CERK: variants seen among roughly 807,000 people sequenced by gnomAD.
The protein encoded by CERK is ceramide kinase.
In CERK, 39 loss-of-function variants were observed where a neutral mutation model predicts 63.4. The observed-to-expected ratio is 0.61, with a 90% CI of 0.48 to 0.80. The LOEUF (loss-of-function observed/expected upper bound fraction) is 0.80. Among genes scored for constraint, CERK ranks in the 30% least tolerant of loss-of-function variants. The probability of loss-of-function intolerance (pLI) is 0.00; values close to 1 mark genes in which losing one functional copy is unlikely to be tolerated. For synonymous variants in CERK, 302 were observed against 280.0 expected, an observed-to-expected ratio of 1.08 and a Z score of -0.78; for missense variants, 670 against 714.1, an observed-to-expected ratio of 0.94 and a Z score of 0.70.
In CERK at chr22:46,711,886, G is replaced by A. The variant is rs916494613; in HGVS notation, c.505+282C>T. On this transcript the variant is annotated intron_variant, in intron 4 of 12. Coordinates refer to ENST00000216264, the MANE Select transcript of CERK (RefSeq NM_022766.6). ...CAACATTGCTTGAGCCCAGGGGTTCGAAACCAGCCTAAGCAATATGGTGAA... is the reference window on the plus strand; with the variant it reads ...CAACATTGCTTGAGCCCAGGGGTTCAAAACCAGCCTAAGCAATATGGTGAA... 1.1e-4 allele frequency among the ~76,000 whole-genome samples: 17 copies of A among 152,154 alleles called. 1 individual carries two copies. The highest frequency in any genetic ancestry group is 2.7e-4 in the African/African-American group (11 of 41,456).
chr22:46,737,304 A>C lies in CERK; in HGVS notation c.142+703T>G, dbSNP rs555549709. On this transcript the variant is annotated intron_variant, in intron 1 of 12. Coordinates refer to ENST00000216264, the MANE Select transcript of CERK (RefSeq NM_022766.6). ...AACACTCCGACTCAAAAAAAAAAAA[A>C]AACAAAAAACAAACAAAAAACAACA... 1.7e-3 allele frequency among the ~76,000 whole-genome samples: 246 copies of C among 141,612 alleles called. 1 individual carries two copies. Among genetic ancestry groups the C allele is most frequent in the African/African-American group, 6.1e-3 (223 of 36,498 alleles). 92.9% of individuals were successfully genotyped at this position (141,612 alleles called of 152,430 possible).
At chr22:46,696,956 A>T (rs1487819200) in intron 8 of CERK, among the ~76,000 whole-genome samples, 1 of 152,236 alleles carries the variant, frequency 6.6e-6, no homozygotes, top group Admixed American at 6.5e-5. Context: ...AACAAAGGGC[A>T]GTCGGGAGAA....
chr22:46,710,784 A>C (rs2082836760), intron 5 of CERK, among the ~76,000 whole-genome samples: 1 of 152,216 alleles, frequency 6.6e-6, no homozygotes, highest in Non-Finnish European at 1.5e-5. Flanking sequence ...ATTCTTGATA[A>C]TGTGCTTGGT....
At chr22:46,726,210 C>G (rs2082917372) in intron 1 of CERK, among the ~76,000 whole-genome samples, 1 of 152,250 alleles carries the variant, frequency 6.6e-6, no homozygotes, top group Non-Finnish European at 1.5e-5. Context: ...CCCCAGATGT[C>G]TTTCGCCTCT....
intron 2 of CERK, among the ~76,000 whole-genome samples, 157 bp from the exon 3 acceptor site, chr22:46,720,365 G>GA (rs1388500686): frequency 6.6e-6 from 1 of 152,082 alleles, no homozygotes; most frequent in African/African-American, 2.4e-5. Flanking sequence ...AGGTATATTA[G>GA]AAAAAAACAT....
chr22:46,706,314 C>G (rs1278683611), intron 6 of CERK, among the ~76,000 whole-genome samples: 1 of 152,216 alleles, frequency 6.6e-6, no homozygotes, highest in Admixed American at 6.5e-5. Flanking sequence ...TCCGCTCTCC[C>G]CACTCCTAAC....
At chr22:46,709,704 C>A (rs1400737027) in intron 5 of CERK, among the ~76,000 whole-genome samples, 1 of 152,172 alleles carries the variant, frequency 6.6e-6, no homozygotes, top group Non-Finnish European at 1.5e-5. Context: ...AAACAAAAAG[C>A]CAACCAATGA....
At chr22:46,725,208 C>T (rs1396176671) in intron 1 of CERK, among the ~76,000 whole-genome samples, 1 of 151,944 alleles carries the variant, frequency 6.6e-6, no homozygotes, top group Non-Finnish European at 1.5e-5. Flanking sequence ...CGGCATTACG[C>T]CCTAGTCTTC....
At chr22:46,687,537 C>T (rs111272058) in intron 12 of CERK, among the ~76,000 whole-genome samples, 2,265 of 152,302 alleles carry the variant, frequency 0.015, 57 homozygotes, top group African/African-American at 0.048. Context: ...AACTCCAGCA[C>T]CCCCATGGAA....
intron 5 of CERK, among the ~76,000 whole-genome samples, chr22:46,709,355 C>G (rs1263882323): frequency 6.6e-6 from 1 of 152,208 alleles, no homozygotes; most frequent in African/African-American, 2.4e-5. Context: ...GTGAAGACGA[C>G]TGTCTTCCTG....
chr22:46,716,048 G>C (rs1002882316), intron 3 of CERK, among the ~76,000 whole-genome samples: 3 of 152,016 alleles, frequency 2.0e-5, no homozygotes, highest in Admixed American at 6.6e-5. Context: ...AAATCAGCCA[G>C]GCACGGTGAC....
chr22:46,738,237 G>T lies in CERK; in HGVS notation c.-89C>A, dbSNP rs889372017. The T allele has an allele frequency of 5.1e-5, 34 of 660,896 alleles. No homozygotes were observed. Among genetic ancestry groups the T allele is most frequent in the Admixed American group, 1.7e-4 (2 of 11,992 alleles). 40.9% of individuals were successfully genotyped at this position (660,896 alleles called of 1,614,324 possible). On this transcript the variant is annotated 5_prime_UTR_variant, in exon 1 of 13. Coordinates refer to ENST00000216264, the MANE Select transcript of CERK (RefSeq NM_022766.6). ...AGCGGCCCCTGCAGTGGCCCGGGCGGCGGGCGGCGGGCGGCGGGAGGCGGC... is the reference window on the plus strand; with the variant it reads ...AGCGGCCCCTGCAGTGGCCCGGGCGTCGGGCGGCGGGCGGCGGGAGGCGGC...
chr22:46,699,534 TCAATAGCACTTTG>T, intron 7 of CERK, 69 bp from the exon 8 acceptor site: 1 of 1,446,374 alleles, frequency 6.9e-7, no homozygotes, highest in Non-Finnish European at 9.6e-7. Flanking sequence ...TCCATCCCCT[TCAATAGCACTTTG>T]CAAACGTGGG....
intron 1 of CERK, among the ~76,000 whole-genome samples, chr22:46,735,857 T>C (rs1354874529): frequency 6.6e-6 from 1 of 152,236 alleles, no homozygotes; most frequent in Admixed American, 6.5e-5. Flanking sequence ...CCTGATTCCT[T>C]TTGGGGACTG....
At chr22:46,721,332 G>A (rs993446259) in intron 1 of CERK, among the ~76,000 whole-genome samples, 2 of 151,860 alleles carry the variant, frequency 1.3e-5, no homozygotes, top group African/African-American at 4.8e-5. Context: ...TCACGCTGTC[G>A]CCCAGGCTGG....
rs1339627508 is a variant in CERK at position 46,726,789 on chromosome 22, G to A, written c.143-5774C>T. On this transcript the variant is annotated intron_variant, in intron 1 of 12. Coordinates refer to ENST00000216264, the MANE Select transcript of CERK (RefSeq NM_022766.6). ...TCCCCCGCCCCTCCCCGCCCACCACGTCCACCCTGACACAGCCCTTGATGG... is the reference window on the plus strand; with the variant it reads ...TCCCCCGCCCCTCCCCGCCCACCACATCCACCCTGACACAGCCCTTGATGG... 1.2e-4 allele frequency among the ~76,000 whole-genome samples: 17 copies of A among 139,620 alleles called. No individual in the cohort carries two copies. The East Asian group carries it at 3.5e-3, about 29-fold the overall frequency. The allele number at this position is 139,620 out of a possible 152,430, so 91.6% of individuals were successfully genotyped here.
intron 1 of CERK, among the ~76,000 whole-genome samples, chr22:46,735,836 T>C (rs1414965064): frequency 2.6e-5 from 4 of 152,228 alleles, no homozygotes; most frequent in Non-Finnish European, 5.9e-5. Context: ...CATAGAAGAA[T>C]CGAACCTGGG....
At position 46,686,940 on chromosome 22, in the gene CERK, G is replaced by A. The variant is rs958945931; in HGVS notation, c.*194C>T. 2.5e-5 allele frequency: 14 copies of A among 558,118 alleles called. No homozygotes were observed. Among genetic ancestry groups the A allele is most frequent in the Admixed American group, 6.1e-5 (2 of 32,596 alleles). 34.6% of individuals were successfully genotyped at this position (558,118 alleles called of 1,614,324 possible). A position where few individuals can be genotyped will look rare whatever the true frequency, so the allele number is the denominator to read the frequency against. ...GAGTAAGCGGCGTGGGCTGCAACCC[G>A]CAGATGCGTACAGAACTGAAAATGC... is the stretch of plus-strand genomic sequence containing the variant. On this transcript the variant is annotated 3_prime_UTR_variant, in exon 13 of 13. Coordinates refer to ENST00000216264, the MANE Select transcript of CERK (RefSeq NM_022766.6).
intron 10 of CERK, among the ~76,000 whole-genome samples, 156 bp downstream of exon 10, chr22:46,693,271 G>A (rs1601709575): frequency 1.3e-5 from 2 of 152,192 alleles, no homozygotes; most frequent in African/African-American, 2.4e-5. Context: ...GTGACCTGAC[G>A]CTGCCTGGGG....
Sources: allele counts gnomAD v4.1 joint callset (sites outside exome capture counted in the v4.1 genomes callset), GRCh38; gene constraint gnomAD v4.1.1; transcripts MANE v1.5; gene names NCBI Gene and HGNC (gene_info 2026-07-23, HGNC 2026-07-21).